Variants in NRG1 observed in about 807,000 individuals in gnomAD.
The protein encoded by NRG1 is neuregulin 1, also known as pro-neuregulin-1, membrane-bound isoform.
In NRG1, 18 loss-of-function variants were observed where a neutral mutation model predicts 63.8. The observed-to-expected ratio is 0.28, with a 90% confidence interval of 0.19 to 0.42. NRG1 has a LOEUF of 0.42. Ranked by LOEUF, NRG1 falls within the 10% of genes least tolerant of loss-of-function variation. NRG1 has a pLI of 1.00. For missense variants in NRG1, 762 were observed against 814.7 expected (o/e 0.94, Z 0.79); for synonymous variants, 302 against 301.3 (o/e 1.00, Z -0.02).
In NRG1 at chr8:32,714,107, G is replaced by A. The variant is rs116052023; in HGVS notation, c.503-13842G>A. 3.5e-3 allele frequency among the ~76,000 whole-genome samples: 532 copies of A among 152,226 alleles called. 3 individuals carry two copies. Among genetic ancestry groups the A allele is most frequent in the African/African-American group, 0.012 (514 of 41,552 alleles). On this transcript the variant is annotated intron_variant, in intron 5 of 11. Coordinates refer to ENST00000356819, the Ensembl canonical transcript of NRG1. ...CCCAAAGTGCTGGGATTACAAGTGT[G>A]AGCCCCTCCACCCAACCGAAAAGAA...
At chr8:31,641,098 A>G (rs1803728028) in intron 1 of NRG1, among the ~76,000 whole-genome samples, 2 of 152,066 alleles carry the variant, frequency 1.3e-5, no homozygotes, top group Admixed American at 6.5e-5. Flanking sequence ...TTGAAGGAGG[A>G]AGGGTGAGTC....
chr8:32,664,127 G>C (rs1363032223), intron 5 of NRG1, among the ~76,000 whole-genome samples: 1 of 152,090 alleles, frequency 6.6e-6, no homozygotes, highest in East Asian at 1.9e-4. Context: ...AACAGATTAA[G>C]CACTTGTTCT....
chr8:32,647,035 C>T lies in NRG1; in HGVS notation c.502+30150C>T, dbSNP rs573460377. ...CTCAAGAAGGACAAAGAGGAGTAGT[C>T]GGGGGTGGGGTGGAGGCAGGGCGGG... On this transcript the variant is annotated intron_variant, in intron 5 of 11. Coordinates refer to ENST00000356819, the Ensembl canonical transcript of NRG1. 19 of 743,036 alleles carry T rather than the reference C, an allele frequency of 2.6e-5. No individual in the cohort carries two copies. In the East Asian group the frequency reaches 1.6e-3, roughly 62 times the overall value. The allele number at this position is 743,036 out of a possible 1,614,324, so 46.0% of individuals were successfully genotyped here.
chr8:32,473,407 TC>T (rs1249829888), intron 1 of NRG1, among the ~76,000 whole-genome samples: 1 of 152,190 alleles, frequency 6.6e-6, no homozygotes, highest in Admixed American at 6.5e-5. Flanking sequence ...CTAAAAGTCA[TC>T]GTTTTCCTTT....
At position 31,640,997 on chromosome 8, in the gene NRG1, G is replaced by A. The variant is rs7838956; in HGVS notation, c.37+1566G>A. ...AAACTTTTTAATCCTTTGGGGTTTG[G>A]CTCACCAAGTAGATCGGAAATGTGC... On this transcript the variant is annotated intron_variant, in intron 1 of 10. Transcript: ENST00000519301. This position sits in a 1 kb window ranked among gnomAD's most constrained non-coding sequence, Gnocchi z 6.3. 0.036 allele frequency among the ~76,000 whole-genome samples: 5,433 copies of A among 152,302 alleles called. 319 individuals are homozygous for A. The highest frequency in any genetic ancestry group is 0.12 in the African/African-American group (5,155 of 41,552).
At chr8:32,075,005 A>G (rs1237325349) in intron 1 of NRG1, among the ~76,000 whole-genome samples, 1 of 152,244 alleles carries the variant, frequency 6.6e-6, no homozygotes, top group Non-Finnish European at 1.5e-5. Flanking sequence ...TTTAGGCAGG[A>G]TGCCTCAGTT....
At chr8:32,595,873 C>T in exon 2 of NRG1, 2 of 1,613,528 alleles carry the variant, frequency 1.2e-6, no homozygotes, top group Non-Finnish European at 1.7e-6. Flanking sequence ...GAATCGGCTG[C>T]AGGTTCCAAA....
At chr8:32,722,876 A>T (rs948687878) in intron 5 of NRG1, among the ~76,000 whole-genome samples, 2 of 152,188 alleles carry the variant, frequency 1.3e-5, no homozygotes, top group Non-Finnish European at 2.9e-5. Flanking sequence ...TGATAAAGTT[A>T]AACACAGATT....
chr8:32,204,299 A>G (rs1452422874), intron 1 of NRG1, among the ~76,000 whole-genome samples: 1 of 152,200 alleles, frequency 6.6e-6, no homozygotes, highest in Non-Finnish European at 1.5e-5. Context: ...GAGTGACATG[A>G]TCTGACTTCT....
chr8:32,228,125 T>G (rs961090665), intron 1 of NRG1, among the ~76,000 whole-genome samples: 1 of 152,210 alleles, frequency 6.6e-6, no homozygotes, highest in African/African-American at 2.4e-5. Flanking sequence ...TTCTCCATTA[T>G]GATTGGCAGT....
At chr8:32,672,328 G>A (rs1726771100) in intron 5 of NRG1, among the ~76,000 whole-genome samples, 1 of 152,152 alleles carries the variant, frequency 6.6e-6, no homozygotes, top group East Asian at 1.9e-4. Flanking sequence ...ACAGGTGTGA[G>A]CCACCATGCC....
intron 1 of NRG1, among the ~76,000 whole-genome samples, chr8:32,168,917 T>C (rs892499321): frequency 2.0e-5 from 3 of 152,162 alleles, no homozygotes; most frequent in African/African-American, 7.2e-5. Context: ...TGTCAGGGAC[T>C]TTTTCTTCAT....
At chr8:32,152,477 T>G (rs2131836143) in intron 1 of NRG1, among the ~76,000 whole-genome samples, 1 of 152,344 alleles carries the variant, frequency 6.6e-6, no homozygotes, top group South Asian at 2.1e-4. Context: ...AACTAATTAA[T>G]ACTTATAACT....
intron 1 of NRG1, among the ~76,000 whole-genome samples, chr8:31,666,190 A>C (rs1806522984): frequency 6.6e-6 from 1 of 152,330 alleles, no homozygotes; most frequent in Middle Eastern, 3.4e-3. Flanking sequence ...TTTAAAGAAA[A>C]TGTTAAAAGC....
intron 1 of NRG1, among the ~76,000 whole-genome samples, chr8:32,351,400 T>C (rs1805586039): frequency 6.6e-6 from 1 of 152,238 alleles, no homozygotes; most frequent in Admixed American, 6.5e-5. Flanking sequence ...TGATATGTTT[T>C]CTTAACCAAA....
chr8:31,850,170 G>A (rs1294628528), intron 1 of NRG1, among the ~76,000 whole-genome samples: 1 of 152,098 alleles, frequency 6.6e-6, no homozygotes, highest in African/African-American at 2.4e-5. Flanking sequence ...TCCCAAAGCA[G>A]TATCTCTCCA....
intron 1 of NRG1, among the ~76,000 whole-genome samples, chr8:31,996,000 G>A (rs962074316): frequency 1.3e-5 from 2 of 151,310 alleles, no homozygotes; most frequent in East Asian, 2.0e-4. Context: ...TTTTCTCAGT[G>A]CTGTGAGCAC....
intron 1 of NRG1, among the ~76,000 whole-genome samples, chr8:31,764,429 C>T (rs913268596): frequency 2.6e-5 from 4 of 152,122 alleles, no homozygotes; most frequent in Non-Finnish European, 5.9e-5. Context: ...CCCCTGGCAA[C>T]TACTATTCCT....
At chr8:31,918,016 T>C (rs1023298227) in intron 1 of NRG1, among the ~76,000 whole-genome samples, 7 of 152,180 alleles carry the variant, frequency 4.6e-5, no homozygotes, top group Non-Finnish European at 8.8e-5. Context: ...CTGTTATTGG[T>C]GTATAAGAAT....
Sources: allele counts gnomAD v4.1 joint callset (sites outside exome capture counted in the v4.1 genomes callset), GRCh38; gene constraint gnomAD v4.1.1; non-coding constraint Gnocchi (gnomAD v3.1); transcripts MANE v1.5; gene names NCBI Gene and HGNC (gene_info 2026-07-23, HGNC 2026-07-21).